Variants in ATP2B2 observed in about 807,000 individuals in gnomAD.
ATP2B2 encodes plasma membrane calcium-transporting ATPase 2.
A neutral mutation model predicts 120.0 loss-of-function variants in ATP2B2; 15 were observed. That is an observed-to-expected ratio of 0.12 (90% confidence interval 0.08 to 0.19). ATP2B2 has a LOEUF of 0.19. Among genes scored for constraint, ATP2B2 ranks in the 10% least tolerant of loss-of-function variants. ATP2B2 has a pLI of 1.00. For synonymous variants in ATP2B2, 694 were observed against 700.3 expected (o/e 0.99, Z 0.14); for missense variants, 1,045 against 1,719.8 (o/e 0.61, Z 6.94).
intron 2 of ATP2B2, among the ~76,000 whole-genome samples, chr3:10,614,344 G>A (rs1052916124): frequency 1.3e-5 from 2 of 152,004 alleles, no homozygotes; most frequent in African/African-American, 2.4e-5. Flanking sequence ...CTCCTGGAAC[G>A]TTTTGCTTTC....
intron 5 of ATP2B2, among the ~76,000 whole-genome samples, chr3:10,389,575 T>C (rs1158086654): frequency 6.6e-6 from 1 of 151,720 alleles, no homozygotes; most frequent in Non-Finnish European, 1.5e-5. Flanking sequence ...AGATAGAAAG[T>C]AGAATGGTGG....
At chr3:10,487,136 T>A (rs532708569) in intron 1 of ATP2B2, among the ~76,000 whole-genome samples, 25 of 152,272 alleles carry the variant, frequency 1.6e-4, no homozygotes, top group Admixed American at 6.5e-4. Flanking sequence ...ATTCAAGAAA[T>A]GTTTGCTACA....
chr3:10,395,958 G>A (rs1471595904), intron 5 of ATP2B2, among the ~76,000 whole-genome samples: 1 of 152,244 alleles, frequency 6.6e-6, no homozygotes, highest in Non-Finnish European at 1.5e-5. Flanking sequence ...AGATACACCA[G>A]ACATGGGCTC....
chr3:10,342,720 C>CTGGGAGAGGCGTGGG lies in ATP2B2; in HGVS notation c.2917+17_2917+31dup, dbSNP rs763328021. The CTGGGAGAGGCGTGGG allele has an allele frequency of 1.3e-5, 21 of 1,612,342 alleles. No individual in the cohort carries two copies. In the South Asian group the frequency reaches 2.3e-4, roughly 18 times the overall value. On this transcript the variant is annotated intron_variant, in intron 19 of 22. Coordinates refer to ENST00000360273, the MANE Select transcript of ATP2B2 (RefSeq NM_001001331.4). This position sits in a 1 kb window ranked among gnomAD's most constrained non-coding sequence, Gnocchi z 4.4. ...TGCACCCAGAAGGTGATGACCCCGCCTGGGAGAGGCGTGGGTGGGCGAGGC... is the reference window on the plus strand; with the variant it reads ...TGCACCCAGAAGGTGATGACCCCGCCTGGGAGAGGCGTGGGTGGGAGAGGCGTGGGTGGGCGAGGC...
intron 1 of ATP2B2, among the ~76,000 whole-genome samples, chr3:10,622,297 G>C (rs576112779): frequency 1.2e-4 from 18 of 152,284 alleles, no homozygotes; most frequent in Middle Eastern, 3.4e-3. Flanking sequence ...GTCCTCACTA[G>C]TGAATTTTTA....
chr3:10,358,742 G>A lies in ATP2B2; in HGVS notation c.2085C>T (p.Asn695=), dbSNP rs766963401. 2.5e-5 allele frequency: 40 copies of A among 1,614,122 alleles called. No homozygotes were observed. Among genetic ancestry groups the A allele is most frequent in the South Asian group, 2.4e-4 (22 of 91,088 alleles). ...CCACCACGCAGATGCAGGTGAGTTC[G>A]TTGAGGATGTCATTCTCATTGTCCC... ...PDWDNENDIL[N]ELTCICVVGI... Residue 695 remains asparagine (N), a synonymous_variant, in exon 14 of 23, where the codon AAC becomes AAT. Coordinates refer to ENST00000360273, the MANE Select transcript of ATP2B2 (RefSeq NM_001001331.4).
At chr3:10,494,945 G>T (rs2125380979) in intron 1 of ATP2B2, among the ~76,000 whole-genome samples, 1 of 152,308 alleles carries the variant, frequency 6.6e-6, no homozygotes, top group Admixed American at 6.5e-5. Flanking sequence ...GGCAAAGTTG[G>T]AATTTGAACC....
intron 2 of ATP2B2, among the ~76,000 whole-genome samples, chr3:10,420,764 G>C (rs1451646138): frequency 6.6e-6 from 1 of 152,246 alleles, no homozygotes; most frequent in Non-Finnish European, 1.5e-5. Context: ...GGAAGGCCTT[G>C]ACTAATATTA....
At position 10,329,104 on chromosome 3, in the gene ATP2B2, G is replaced by A; in HGVS notation, c.3442C>T (p.Arg1148Cys). The A allele has an allele frequency of 6.2e-7, 1 of 1,613,368 alleles. No individual in the cohort carries two copies. Among genetic ancestry groups the A allele is most frequent in the Non-Finnish European group, 8.5e-7 (1 of 1,179,858 alleles). Reference sequence around the variant, plus strand: ...TCTAAACCTTCATAGAGAGAGCTACGGAACGCCTTCACGACGCGGATCTGC... The same window carrying A: ...TCTAAACCTTCATAGAGAGAGCTACAGAACGCCTTCACGACGCGGATCTGC... ...QTQIRVVKAFRSSLYEGLEKP... is the reference protein window; with the variant it reads ...QTQIRVVKAFCSSLYEGLEKP... Residue 1148 changes from arginine to cysteine, a missense_variant, in exon 23 of 23, where the codon CGT becomes TGT. Transcript: ENST00000360273. The surrounding 1 kb of genome is among the most constrained non-coding windows in gnomAD (Gnocchi z 5.9).
Position 10,646,901 on chromosome 3 carries a change from C to A in ATP2B2, c.-459-26940G>T, listed in dbSNP as rs542817880. On this transcript the variant is annotated intron_variant, in intron 1 of 21. Coordinates refer to the ATP2B2 transcript ENST00000646379. Reference sequence around the variant, plus strand: ...CGGAACAGAATTCAGGTTGAGGAGACAACATGTGGGGCGTTACATAATCAT... The same window carrying A: ...CGGAACAGAATTCAGGTTGAGGAGAAAACATGTGGGGCGTTACATAATCAT... Among the ~76,000 whole-genome samples, 5 of 152,314 alleles carry A rather than the reference C, an allele frequency of 3.3e-5. No homozygotes were observed. The South Asian group carries it at 6.2e-4, about 19-fold the overall frequency.
At chr3:10,513,801 G>A (rs1304926534) in intron 3 of ATP2B2, among the ~76,000 whole-genome samples, 2 of 152,172 alleles carry the variant, frequency 1.3e-5, no homozygotes, top group African/African-American at 4.8e-5. Flanking sequence ...AATGAAAGCT[G>A]TAGGCTCAGG....
intron 2 of ATP2B2, among the ~76,000 whole-genome samples, chr3:10,574,751 C>T (rs951302041): frequency 1.1e-4 from 17 of 152,134 alleles, no homozygotes; most frequent in Admixed American, 3.3e-4. Flanking sequence ...CCCTGCAAAG[C>T]TTACAATATT....
At chr3:10,508,714 G>C (rs144740247), upstream of ATP2B2, among the ~76,000 whole-genome samples, 2,343 of 152,306 alleles carry the variant, frequency 0.015, 37 homozygotes, top group Admixed American at 0.034. Flanking sequence ...GGATGTGTTG[G>C]GGGGCAGGGG....
At position 10,408,686 on chromosome 3, in the gene ATP2B2, G is replaced by C. The variant is rs192248395; in HGVS notation, c.397+1932C>G. Among the ~76,000 whole-genome samples the C allele has an allele frequency of 1.1e-4, 17 of 152,294 alleles. No individual in the cohort carries two copies. The South Asian group carries it at 2.3e-3, about 20-fold the overall frequency. On this transcript the variant is annotated intron_variant, in intron 3 of 22. Transcript: ENST00000360273. ...CAAGTCCTTCCCCTCTCTGGGCCTT[G>C]GTTTCTGAATCTCTAAGATGGAACA...
intron 5 of ATP2B2, among the ~76,000 whole-genome samples, chr3:10,400,441 C>A (rs1283770048): frequency 6.6e-6 from 1 of 152,234 alleles, no homozygotes; most frequent in Non-Finnish European, 1.5e-5. Flanking sequence ...CTCAGCACAC[C>A]TTTGCCCTGT....
chr3:10,466,967 C>G (rs1233797897), intron 1 of ATP2B2, among the ~76,000 whole-genome samples: 6 of 152,188 alleles, frequency 3.9e-5, no homozygotes, highest in African/African-American at 1.4e-4. Context: ...AGGCATTGGG[C>G]AAGCCTGGTA....
At chr3:10,663,730 G>A (rs1258477829) in intron 1 of ATP2B2, among the ~76,000 whole-genome samples, 1 of 152,130 alleles carries the variant, frequency 6.6e-6, no homozygotes, top group Non-Finnish European at 1.5e-5. Flanking sequence ...GGGGGTCCAA[G>A]CTGAGCCCAC....
chr3:10,392,944 T>C (rs1042111145), intron 5 of ATP2B2, among the ~76,000 whole-genome samples: 1 of 151,896 alleles, frequency 6.6e-6, no homozygotes, highest in Admixed American at 6.5e-5. Context: ...AAGAAGAGGG[T>C]GTGGAGAGGC....
intron 2 of ATP2B2, among the ~76,000 whole-genome samples, chr3:10,545,248 G>A (rs2067520063): frequency 6.6e-6 from 1 of 152,190 alleles, no homozygotes; most frequent in Non-Finnish European, 1.5e-5. Context: ...ACCATTTTTA[G>A]GCCGGGTGCA....
Sources: allele counts gnomAD v4.1 joint callset (sites outside exome capture counted in the v4.1 genomes callset), GRCh38; gene constraint gnomAD v4.1.1; non-coding constraint Gnocchi (gnomAD v3.1); transcripts MANE v1.5; gene names NCBI Gene and HGNC (gene_info 2026-07-23, HGNC 2026-07-21).